SALL3: variants seen among roughly 807,000 people sequenced by gnomAD.
The protein encoded by SALL3 is sal-like protein 3.
Under a neutral mutation model 66.2 loss-of-function variants are expected in SALL3, and 25 were observed. That is an observed-to-expected ratio of 0.38 (90% CI 0.28 to 0.53). SALL3 has a LOEUF of 0.53. SALL3 is among the 20% of genes least tolerant of loss of function. The pLI, the probability that SALL3 is intolerant of heterozygous loss-of-function variation, is 0.85. For missense variants in SALL3, 2,194 were observed against 1,916.5 expected (o/e 1.14, Z -2.70); for synonymous variants, 1,152 against 899.1 (o/e 1.28, Z -5.03).
At position 78,993,659 on chromosome 18, in the gene SALL3, C is replaced by G; in HGVS notation, c.1668C>G (p.Pro556=). Residue 556 remains proline, a synonymous_variant, in exon 2 of 3, where the codon CCC becomes CCG. Transcript: ENST00000537592. The part of the protein sequence containing the change: ...ATPASRSPQR[P]SPASSECASL... ...CAGCCAGCCGCTCCCCGCAGAGGCC[C>G]TCGCCCGCCTCCAGCGAGTGCGCCT... 2 of 1,587,916 alleles carry G rather than the reference C, an allele frequency of 1.3e-6. No homozygotes were observed. The highest frequency in any genetic ancestry group is 1.7e-6 in the Non-Finnish European group (2 of 1,174,378).
At chr18:78,988,595 C>T (rs1205236032) in intron 1 of SALL3, among the ~76,000 whole-genome samples, 1 of 152,210 alleles carries the variant, frequency 6.6e-6, no homozygotes, top group Non-Finnish European at 1.5e-5. Context: ...GACAGAATTT[C>T]AATTCCATAT....
At position 78,994,720 on chromosome 18, in the gene SALL3, G is replaced by A. The variant is rs1914619453; in HGVS notation, c.2729G>A (p.Ser910Asn). The change falls in exon 2 of 3, where the codon AGC becomes AAC. Residue 910 changes from serine (S) to asparagine (N), a missense_variant. Physicochemically the swap from Ser to Asn is conservative, Grantham distance 46. Transcript: ENST00000537592. ...SSSQALSPAP[S>N]NGESFRSKSP... is the part of the protein sequence containing the mutation. ...TCGCAGGCCCTGTCGCCGGCCCCCA[G>A]CAATGGTGAGAGCTTCCGCTCCAAG... 3 of 1,603,764 alleles carry A rather than the reference G, an allele frequency of 1.9e-6. No individual in the cohort carries two copies. Among genetic ancestry groups the A allele is most frequent in the South Asian group, 1.1e-5 (1 of 90,998 alleles).
Position 78,995,099 on chromosome 18 carries a change from A to T in SALL3, c.3108A>T (p.Leu1036Phe). Residue 1036 changes from leucine to phenylalanine, a missense_variant, in exon 2 of 3, where the codon TTA (leucine) becomes TTT (phenylalanine). Leu to Phe is a conservative substitution (Grantham distance 22). Transcript: ENST00000537592. ...THRLKELPSQLFDPNFALGPS... is the reference protein window; with the variant it reads ...THRLKELPSQFFDPNFALGPS... ...GATTGAAAGAGCTGCCTTCTCAGTT[A>T]TTTGACCCCAACTTTGCTCTAGGTC... The T allele has an allele frequency of 1.2e-6, 2 of 1,613,838 alleles. No individual in the cohort carries two copies. The highest frequency in any genetic ancestry group is 1.7e-6 in the Non-Finnish European group (2 of 1,180,016).
At chr18:78,984,384 T>C (rs2146208131) in intron 1 of SALL3, among the ~76,000 whole-genome samples, 1 of 150,006 alleles carries the variant, frequency 6.7e-6, no homozygotes, top group South Asian at 2.2e-4. Context: ...CATCTTTCAG[T>C]GCTGCAAGAT....
intron 1 of SALL3, 75 bp downstream of exon 1, chr18:78,980,431 A>G: frequency 1.1e-6 from 1 of 932,146 alleles, no homozygotes; most frequent in Non-Finnish European, 1.4e-6. Flanking sequence ...GTGCGGCGGG[A>G]GCGGATGCGC....
chr18:78,992,439 G>GCGGCCCCTGCACCCCCAACGCCCGCCTA lies in SALL3; in HGVS notation c.453_480dup (p.Ala161ProfsTer444), dbSNP rs1914474853. The GCGGCCCCTGCACCCCCAACGCCCGCCTA allele has an allele frequency of 2.9e-6, 4 of 1,378,634 alleles. No individual in the cohort carries two copies. Among genetic ancestry groups the GCGGCCCCTGCACCCCCAACGCCCGCCTA allele is most frequent in the African/African-American group, 1.6e-5 (1 of 63,926 alleles). The allele number at this position is 1,378,634 out of a possible 1,614,324, so 85.4% of individuals were successfully genotyped here. A position where few individuals can be genotyped will look rare whatever the true frequency, so the allele number is the denominator to read the frequency against. On this transcript the variant is annotated frameshift_variant, in exon 2 of 3. Coordinates refer to ENST00000537592, the MANE Select transcript of SALL3 (RefSeq NM_171999.4). LOFTEE classifies it high-confidence loss of function. ...CACGCGCGCGCCCCGGCCCCCGCCT[G>GCGGCCCCTGCACCCCCAACGCCCGCCTA]CGGCCCCTGCACCCCCAACGCCCGC...
intron 2 of SALL3, among the ~76,000 whole-genome samples, chr18:78,995,897 A>T (rs1568297572): frequency 6.6e-6 from 1 of 152,174 alleles, no homozygotes; most frequent in Non-Finnish European, 1.5e-5. Context: ...CCCGGGGAAC[A>T]CGTGCAGCTG....
chr18:78,987,713 A>G (rs1350184807), intron 1 of SALL3, among the ~76,000 whole-genome samples: 3 of 152,244 alleles, frequency 2.0e-5, no homozygotes, highest in Admixed American at 6.5e-5. Context: ...TCACGTTCAC[A>G]TAGAAGCAAA....
At position 78,993,464 on chromosome 18, in the gene SALL3, G is replaced by A. The variant is rs771619312; in HGVS notation, c.1473G>A (p.Val491=). ...CGGTCCCCGAGTACCTGGACAACGT[G>A]CCCACCTGCTCGGGCATCCCCTACG... ...PYPVPEYLDN[V]PTCSGIPYGM... Residue 491 remains valine, a synonymous_variant, in exon 2 of 3, where the codon GTG becomes GTA. Transcript: ENST00000537592. The A allele has an allele frequency of 9.9e-6, 16 of 1,612,720 alleles. No individual in the cohort carries two copies. The highest frequency in any genetic ancestry group is 3.3e-5 in the Admixed American group (2 of 60,010).
rs767154956 is a variant in SALL3 at position 78,992,280 on chromosome 18, C to A, written c.289C>A (p.Pro97Thr). 6 of 1,533,826 alleles carry A rather than the reference C, an allele frequency of 3.9e-6. No individual in the cohort carries two copies. Among genetic ancestry groups the A allele is most frequent in the African/African-American group, 1.4e-5 (1 of 70,218 alleles). Residue 97 changes from proline to threonine, a missense_variant, in exon 2 of 3, where the codon CCT (proline) becomes ACT (threonine). By Grantham distance (38) the Pro-to-Thr change is conservative. Coordinates refer to ENST00000537592, the MANE Select transcript of SALL3 (RefSeq NM_171999.4). The stretch of plus-strand genomic sequence containing the variant: ...GCCGCCCCCCGAGGACTTCCCCGAG[C>A]CTTCGCCCGCCAGCTCCCCCAGCGA... Reference protein sequence around the residue: ...PAPPPEDFPEPSPASSPSERA... With the variant: ...PAPPPEDFPETSPASSPSERA...
At position 78,992,943 on chromosome 18, in the gene SALL3, C is replaced by G. The variant is rs949213023; in HGVS notation, c.952C>G (p.Pro318Ala). 61 of 1,088,020 alleles carry G rather than the reference C, an allele frequency of 5.6e-5. No individual in the cohort carries two copies. In the African/African-American group the frequency reaches 7.3e-4, roughly 13 times the overall value. 67.4% of individuals were successfully genotyped at this position (1,088,020 alleles called of 1,614,324 possible). ...CGCGCCCGCCGCCCCCAGCGCCGCCCCTGCCCCCGCTGCCCCCGCCCCGGC... is the reference window on the plus strand; with the variant it reads ...CGCGCCCGCCGCCCCCAGCGCCGCCGCTGCCCCCGCTGCCCCCGCCCCGGC... Reference protein sequence around the residue: ...PSAPAAPSAAPAPAAPAPAPA... With the variant: ...PSAPAAPSAAAAPAAPAPAPA... Residue 318 changes from proline (P) to alanine (A), a missense_variant, in exon 2 of 3, where the codon CCT becomes GCT. Transcript: ENST00000537592.
rs576328268 is a variant in SALL3, at chr18:78,998,351, T to C, written c.*1029T>C. 4.2e-4 allele frequency: 64 copies of C among 152,336 alleles called. No homozygotes were observed. The highest frequency in any genetic ancestry group is 1.5e-3 in the African/African-American group (62 of 41,580). The allele number at this position is 152,336 out of a possible 1,614,324, so 9.4% of individuals were successfully genotyped here. ...CAGTTTAAGGAAAATGGGAAAACTGTTACAGTTCCTTGTTTTGTCTTATGG... is the reference window on the plus strand; with the variant it reads ...CAGTTTAAGGAAAATGGGAAAACTGCTACAGTTCCTTGTTTTGTCTTATGG... On this transcript the variant is annotated 3_prime_UTR_variant, in exon 3 of 3. Transcript: ENST00000537592.
At chr18:78,989,710 T>C (rs1171822205) in intron 1 of SALL3, among the ~76,000 whole-genome samples, 2 of 152,220 alleles carry the variant, frequency 1.3e-5, no homozygotes, top group Non-Finnish European at 2.9e-5. Context: ...GTGTAAAAAA[T>C]GTTTCAAGGA....
At position 78,993,467 on chromosome 18, in the gene SALL3, C is replaced by T. The variant is rs1914548138; in HGVS notation, c.1476C>T (p.Pro492=). 3 of 1,612,684 alleles carry T rather than the reference C, an allele frequency of 1.9e-6. No homozygotes were observed. The highest frequency in any genetic ancestry group is 1.1e-5 in the South Asian group (1 of 91,046). Residue 492 remains proline (P), a synonymous_variant, in exon 2 of 3, where the codon CCC becomes CCT. Coordinates refer to ENST00000537592, the MANE Select transcript of SALL3 (RefSeq NM_171999.4). The part of the protein sequence containing the change: ...YPVPEYLDNV[P]TCSGIPYGMS... ...TCCCCGAGTACCTGGACAACGTGCC[C>T]ACCTGCTCGGGCATCCCCTACGGCA...
rs778195744 is a variant in SALL3, at chr18:78,994,689, T to G, written c.2698T>G (p.Ser900Ala). Residue 900 changes from serine to alanine, a missense_variant, in exon 2 of 3, where the codon TCG becomes GCG. Physicochemically the swap from Ser to Ala is moderately conservative, Grantham distance 99. Coordinates refer to ENST00000537592, the MANE Select transcript of SALL3 (RefSeq NM_171999.4). ...SAGSPALSES[S>A]SSQALSPAPS... Reference sequence around the variant, plus strand: ...GGGCAGCCCCGCCCTGTCCGAGTCCTCGTCCTCGCAGGCCCTGTCGCCGGC... The same window carrying G: ...GGGCAGCCCCGCCCTGTCCGAGTCCGCGTCCTCGCAGGCCCTGTCGCCGGC... 22 of 1,607,436 alleles carry G rather than the reference T, an allele frequency of 1.4e-5. 1 individual carries two copies. Among genetic ancestry groups the G allele is most frequent in the Admixed American group, 1.7e-5 (1 of 59,956 alleles).
Position 78,994,512 on chromosome 18 carries a change from G to A in SALL3, c.2521G>A (p.Ala841Thr). The change falls in exon 2 of 3, where the codon GCC becomes ACC. Residue 841 changes from alanine (A) to threonine (T), a missense_variant. By Grantham distance (58) the Ala-to-Thr change is moderately conservative (BLOSUM62 0). Coordinates refer to ENST00000537592, the MANE Select transcript of SALL3 (RefSeq NM_171999.4). ...CCCGCCCTCGGTCATCTCCAGCATT[G>A]CCGCCCTGGAGAACCAGATGAAGAT... Reference protein sequence around the residue: ...PSPPSVISSIAALENQMKMID... With the variant: ...PSPPSVISSITALENQMKMID... The A allele has an allele frequency of 7.1e-7, 1 of 1,400,184 alleles. No homozygotes were observed. The highest frequency in any genetic ancestry group is 9.7e-7 in the Non-Finnish European group (1 of 1,034,024). The allele number at this position is 1,400,184 out of a possible 1,614,324, so 86.7% of individuals were successfully genotyped here.
rs559496977 is a variant in SALL3, at chr18:78,998,683, A to G, written c.*1361A>G. 1 of 152,384 alleles carries G rather than the reference A, an allele frequency of 6.6e-6. No individual in the cohort carries two copies. The highest frequency in any genetic ancestry group is 1.9e-4 in the East Asian group (1 of 5,190). 9.4% of individuals were successfully genotyped at this position (152,384 alleles called of 1,614,324 possible). ...GCCTGGTGGCACTGGTCACATGTACAGTAAACCCAAGAGAAATGGCAAGTA... is the reference window on the plus strand; with the variant it reads ...GCCTGGTGGCACTGGTCACATGTACGGTAAACCCAAGAGAAATGGCAAGTA... On this transcript the variant is annotated 3_prime_UTR_variant, in exon 3 of 3. Transcript: ENST00000537592.
chr18:78,982,670 T>C (rs1250586782), intron 1 of SALL3, among the ~76,000 whole-genome samples: 1 of 152,164 alleles, frequency 6.6e-6, no homozygotes, highest in Non-Finnish European at 1.5e-5. Context: ...ACCAAATTAC[T>C]CCAACCTGAG....
chr18:78,983,258 C>T (rs1441380846), intron 1 of SALL3, among the ~76,000 whole-genome samples: 1 of 152,158 alleles, frequency 6.6e-6, no homozygotes, highest in African/African-American at 2.4e-5. Context: ...GAACTTTGCG[C>T]CACTAGTAAT....
Sources: gnomAD v4.1 joint callset for allele counts (sites outside exome capture counted in the v4.1 genomes callset) on GRCh38, gnomAD v4.1.1 for gene constraint, MANE v1.5 for transcripts, NCBI Gene and HGNC (gene_info 2026-07-23, HGNC 2026-07-21) for gene names.